The following MAGI2 variants were observed in gnomAD, a reference collection of about 807,000 sequenced individuals.
MAGI2 encodes membrane-associated guanylate kinase, WW and PDZ domain-containing protein 2.
A neutral mutation model predicts 133.3 loss-of-function variants in MAGI2; 35 were observed. The ratio of observed to expected loss-of-function variants is 0.26; its 90% CI spans 0.20 to 0.35. The LOEUF (loss-of-function observed/expected upper bound fraction) is 0.35, where lower values mean the gene tolerates loss of function less well. MAGI2 is among the 10% of genes least tolerant of loss of function. The pLI is 1.00. For missense variants in MAGI2, 1,636 were observed against 1,863.4 expected (o/e 0.88, Z 2.25); for synonymous variants, 729 against 710.6 (o/e 1.03, Z -0.41).
chr7:78,764,438 C>T (rs2774058), intron 2 of MAGI2, among the ~76,000 whole-genome samples: 47,408 of 151,950 alleles, frequency 0.31, 7,637 homozygotes, highest in South Asian at 0.48. Context: ...AATAAAATCT[C>T]GATGAATTTG....
In MAGI2 at chr7:78,369,170, G is replaced by A; in HGVS notation, c.1089C>T (p.Gly363=). ...GWEKIDDPIY[G]TYYVDHINRR... ...TAGAGACTTACTCAACATAATAAGTGCCATAAATGGGATCATCGATTTTTT... is the reference window on the plus strand; with the variant it reads ...TAGAGACTTACTCAACATAATAAGTACCATAAATGGGATCATCGATTTTTT... The change falls in exon 7 of 22, where the codon GGC becomes GGT. Residue 363 remains glycine (G), a synonymous_variant. Coordinates refer to ENST00000354212, the MANE Select transcript of MAGI2 (RefSeq NM_012301.4). 1 of 1,602,732 alleles carries A rather than the reference G, an allele frequency of 6.2e-7. No individual in the cohort carries two copies. The highest frequency in any genetic ancestry group is 8.5e-7 in the Non-Finnish European group (1 of 1,173,038).
At chr7:79,304,722 A>G (rs548104467) in intron 1 of MAGI2, among the ~76,000 whole-genome samples, 8 of 152,310 alleles carry the variant, frequency 5.3e-5, no homozygotes, top group Non-Finnish European at 1.0e-4. Context: ...ATGGTGAAAC[A>G]CCAGGTCTAA....
chr7:79,203,367 A>G (rs1828773637), intron 1 of MAGI2, among the ~76,000 whole-genome samples: 1 of 152,026 alleles, frequency 6.6e-6, no homozygotes, highest in Non-Finnish European at 1.5e-5. Flanking sequence ...AACAATGTCA[A>G]ATTATTTTCC....
intron 20 of MAGI2, among the ~76,000 whole-genome samples, chr7:78,080,337 C>T (rs1272627254): frequency 1.3e-5 from 2 of 152,230 alleles, no homozygotes; most frequent in Non-Finnish European, 2.9e-5. Context: ...AGGTTTACCT[C>T]ACTGGTATGA....
At chr7:79,304,203 C>CTGTGTGTCTG (rs1837605430) in intron 1 of MAGI2, among the ~76,000 whole-genome samples, 1 of 135,426 alleles carries the variant, frequency 7.4e-6, no homozygotes, top group Non-Finnish European at 1.6e-5. Flanking sequence ...GTGTGTGTGT[C>CTGTGTGTCTG]TGTGTGTGTG....
chr7:78,138,672 C>CAT (rs1822430148), intron 16 of MAGI2, among the ~76,000 whole-genome samples: 1 of 140,890 alleles, frequency 7.1e-6, no homozygotes, highest in Non-Finnish European at 1.6e-5. Flanking sequence ...CACACACACA[C>CAT]ACACAATTTG....
intron 1 of MAGI2, among the ~76,000 whole-genome samples, chr7:79,175,338 T>A (rs750138516): frequency 6.6e-6 from 1 of 151,992 alleles, no homozygotes; most frequent in East Asian, 1.9e-4. Flanking sequence ...TACATATTTC[T>A]TTTATAATAC....
intron 2 of MAGI2, among the ~76,000 whole-genome samples, chr7:78,852,549 T>C (rs1171844081): frequency 6.6e-6 from 1 of 152,176 alleles, no homozygotes; most frequent in Non-Finnish European, 1.5e-5. Context: ...AATTGATGTT[T>C]GCTGATGGTG....
At chr7:79,224,078 C>T (rs1830656859) in intron 1 of MAGI2, among the ~76,000 whole-genome samples, 1 of 152,056 alleles carries the variant, frequency 6.6e-6, no homozygotes, top group East Asian at 1.9e-4. Flanking sequence ...CTTGATTATG[C>T]TCCACTTTCT....
Position 78,941,623 on chromosome 7 carries a change from A to T in MAGI2, c.418+65467T>A, listed in dbSNP as rs1419189056. On this transcript the variant is annotated intron_variant, in intron 2 of 21. Coordinates refer to ENST00000354212, the MANE Select transcript of MAGI2 (RefSeq NM_012301.4). ...AGTGCTGGGATTACAGTCATGAGCC[A>T]CTCTGCCCGGCTGATAATTTCTAAT... Among the ~76,000 whole-genome samples the T allele has an allele frequency of 2.0e-5, 3 of 151,942 alleles. No individual in the cohort carries two copies. The East Asian group carries it at 5.8e-4, about 29-fold the overall frequency.
At position 78,070,616 on chromosome 7, in the gene MAGI2, A is replaced by ATG. The variant is rs1274874701; in HGVS notation, c.3706+8329_3706+8330dup. Among the ~76,000 whole-genome samples, 89 of 128,198 alleles carry ATG rather than the reference A, an allele frequency of 6.9e-4. 1 individual carries two copies. Among genetic ancestry groups the ATG allele is most frequent in the South Asian group, 2.7e-3 (9 of 3,316 alleles). The allele number at this position is 128,198 out of a possible 152,430, so 84.1% of individuals were successfully genotyped here. ...TATGTGTATATATGTGTATATATAT[A>ATG]TGTGTGTGTGTGTGTATATATATAT... On this transcript the variant is annotated intron_variant, in intron 21 of 21. Transcript: ENST00000354212.
chr7:78,819,652 A>G (rs1297810526), intron 2 of MAGI2, among the ~76,000 whole-genome samples: 5 of 151,944 alleles, frequency 3.3e-5, no homozygotes, highest in Non-Finnish European at 5.9e-5. Context: ...GTGTGTGCAA[A>G]TTGGTTTAAG....
chr7:78,118,739 A>C (rs1820126953), intron 20 of MAGI2, among the ~76,000 whole-genome samples: 1 of 152,232 alleles, frequency 6.6e-6, no homozygotes, highest in African/African-American at 2.4e-5. Context: ...AGAAACTCTC[A>C]ATCGTCACTG....
At chr7:79,262,411 T>TA (rs1466714090) in intron 1 of MAGI2, among the ~76,000 whole-genome samples, 1 of 152,210 alleles carries the variant, frequency 6.6e-6, no homozygotes, top group Non-Finnish European at 1.5e-5. Flanking sequence ...TATACATAAC[T>TA]AAAAAGGCTA....
intron 1 of MAGI2, among the ~76,000 whole-genome samples, chr7:79,286,590 C>T (rs1836019027): frequency 1.1e-5 from 1 of 90,162 alleles, no homozygotes; most frequent in South Asian, 3.2e-4. Context: ...GATGTTGGAG[C>T]TCAGAAACAG....
At chr7:78,379,118 C>A (rs1794700933) in intron 6 of MAGI2, among the ~76,000 whole-genome samples, 1 of 151,728 alleles carries the variant, frequency 6.6e-6, no homozygotes, top group African/African-American at 2.4e-5. Context: ...CAAATAAAAA[C>A]CATCCTAAAT....
At chr7:78,654,519 A>G (rs1426038702) in intron 2 of MAGI2, among the ~76,000 whole-genome samples, 1 of 151,650 alleles carries the variant, frequency 6.6e-6, no homozygotes, top group Non-Finnish European at 1.5e-5. Flanking sequence ...GAAAGGTCAT[A>G]TAGCCAGAAA....
At chr7:78,266,788 C>T (rs1794060781) in intron 9 of MAGI2, among the ~76,000 whole-genome samples, 1 of 151,592 alleles carries the variant, frequency 6.6e-6, no homozygotes, top group South Asian at 2.1e-4. Flanking sequence ...CCATGATGGC[C>T]AGGCTGGTCT....
At chr7:78,509,248 A>G (rs1192934097) in intron 4 of MAGI2, 1 of 152,202 alleles carries the variant, frequency 6.6e-6, no homozygotes, top group Non-Finnish European at 1.5e-5. Context: ...TGTTAAATAG[A>G]ATTCCTAGAA....
Sources: allele counts gnomAD v4.1 joint callset (sites outside exome capture counted in the v4.1 genomes callset), GRCh38; gene constraint gnomAD v4.1.1; transcripts MANE v1.5; gene names NCBI Gene and HGNC (gene_info 2026-07-23, HGNC 2026-07-21).